Variants in PADI6 observed in about 807,000 individuals in gnomAD.
The protein encoded by PADI6 is inactive protein-arginine deiminase type-6.
Under a neutral mutation model 78.2 loss-of-function variants are expected in PADI6, and 66 were observed. The observed-to-expected ratio is 0.84, with a 90% CI of 0.69 to 1.04. The LOEUF (loss-of-function observed/expected upper bound fraction) is 1.04. PADI6 is among the 50% of genes least tolerant of loss of function. The pLI is 0.00. For missense variants in PADI6, 854 were observed against 866.1 expected (o/e 0.99, Z 0.18); for synonymous variants, 397 against 346.9 (o/e 1.14, Z -1.60).
At chr1:17,395,475 T>A (rs533486082) in intron 12 of PADI6, 65 bp from the exon 13 acceptor site, 510 of 1,527,778 alleles carry the variant, frequency 3.3e-4, no homozygotes, top group Non-Finnish European at 4.2e-4. Flanking sequence ...AGTGCTGGGA[T>A]TACAGATATG....
chr1:17,393,376 G>C (rs1268846013), intron 9 of PADI6, among the ~76,000 whole-genome samples: 1 of 152,210 alleles, frequency 6.6e-6, no homozygotes, highest in African/African-American at 2.4e-5. Flanking sequence ...GAGTAGGCAA[G>C]AATAGAAGCG....
intron 1 of PADI6, 91 bp downstream of exon 1, chr1:17,372,452 T>C (rs1570117582): frequency 8.3e-7 from 1 of 1,210,746 alleles, no homozygotes; most frequent in Non-Finnish European, 1.2e-6. Flanking sequence ...TGGGGGTTAC[T>C]TCTCTAGCCT....
At chr1:17,394,607 T>G (rs1222428335) in intron 11 of PADI6, among the ~76,000 whole-genome samples, 153 bp downstream of exon 11, 1 of 152,166 alleles carries the variant, frequency 6.6e-6, no homozygotes, top group Non-Finnish European at 1.5e-5. Flanking sequence ...CGTGGGAGAC[T>G]AAAGATGAGA....
At position 17,382,911 on chromosome 1, in the gene PADI6, C is replaced by T. The variant is rs139979375; in HGVS notation, c.679+819C>T. Among the ~76,000 whole-genome samples the T allele has an allele frequency of 2.3e-3, 347 of 152,342 alleles. 2 individuals carry two copies. Among genetic ancestry groups the T allele is most frequent in the African/African-American group, 8.0e-3 (332 of 41,588 alleles). The stretch of plus-strand genomic sequence containing the variant: ...ACTCAAGCAGTCCTCCTACCTCACA[C>T]TCCCAAGGAGCTGGTATGACAGGTG... On this transcript the variant is annotated intron_variant, in intron 6 of 15. Coordinates refer to ENST00000619609, the MANE Select transcript of PADI6 (RefSeq NM_207421.4).
At chr1:17,389,118 C>T (rs886404775) in intron 8 of PADI6, among the ~76,000 whole-genome samples, 2 of 152,186 alleles carry the variant, frequency 1.3e-5, no homozygotes, top group African/African-American at 4.8e-5. Flanking sequence ...GGCCAAACGG[C>T]ATGGTTTTAA....
At chr1:17,372,408 C>CT in intron 1 of PADI6, 47 bp downstream of exon 1, 2 of 1,552,946 alleles carry the variant, frequency 1.3e-6, no homozygotes, top group East Asian at 4.5e-5. Flanking sequence ...GACAGGCAGG[C>CT]AGGCCTGGGA....
Position 17,388,948 on chromosome 1 carries a change from A to C in PADI6, c.962+68A>C, listed in dbSNP as rs987709157. 8 of 1,277,938 alleles carry C rather than the reference A, an allele frequency of 6.3e-6. No homozygotes were observed. The East Asian group carries it at 1.7e-4, about 27-fold the overall frequency. The allele number at this position is 1,277,938 out of a possible 1,614,324, so 79.2% of individuals were successfully genotyped here. A position where few individuals can be genotyped will look rare whatever the true frequency, so the allele number is the denominator to read the frequency against. On this transcript the variant is annotated intron_variant, in intron 8 of 15. Transcript: ENST00000619609. ...CTGGCACCCTCTTCTTTCTATATGC[A>C]GGGCAGGGTGGGTGAAGATGACTAG...
At chr1:17,377,731 G>A (rs1256621669) in intron 3 of PADI6, among the ~76,000 whole-genome samples, 2 of 152,162 alleles carry the variant, frequency 1.3e-5, no homozygotes, top group African/African-American at 4.8e-5. Flanking sequence ...CACTCCCAGT[G>A]TGTTCACTCC....
At chr1:17,386,480 C>T (rs2075120860) in intron 6 of PADI6, among the ~76,000 whole-genome samples, 1 of 152,194 alleles carries the variant, frequency 6.6e-6, no homozygotes, top group Non-Finnish European at 1.5e-5. Flanking sequence ...GGAGCAGGCC[C>T]TAGGTGTGTG....
In PADI6 at chr1:17,379,924, C is replaced by G. The variant is rs779935459; in HGVS notation, c.372C>G (p.Val124=). 5.0e-6 allele frequency: 8 copies of G among 1,613,126 alleles called. No individual in the cohort carries two copies. The Admixed American group carries it at 1.2e-4, about 24-fold the overall frequency. The change falls in exon 4 of 16, where the codon GTC becomes GTG. Residue 124 remains valine, a synonymous_variant. Transcript: ENST00000619609. ...CACCCTTTTCTTCTGTTTCAGAGGT[C>G]TCTCTAGAGGTAGACATCTACCGCA... is the stretch of plus-strand genomic sequence containing the variant. ...TAVLYLTGIE[V]SLEVDIYRNG... is the part of the protein sequence containing the mutation.
rs963378805 is a variant in PADI6 at position 17,388,819 on chromosome 1, C to T, written c.901C>T (p.Arg301Trp). The T allele has an allele frequency of 3.1e-6, 5 of 1,613,764 alleles. No homozygotes were observed. The highest frequency in any genetic ancestry group is 4.2e-6 in the Non-Finnish European group (5 of 1,179,832). ...GCTGTACAAAGACACGGTGGTGTTC[C>T]GGGTGGCTCCCTGTGTCTTCATTCC... ...TVLYKDTVVF[R>W]VAPCVFIPCT... The change falls in exon 8 of 16, where the codon CGG becomes TGG. Residue 301 changes from arginine to tryptophan, a missense_variant. Physicochemically the swap from Arg to Trp is moderately radical, Grantham distance 101 (BLOSUM62 -3). Coordinates refer to ENST00000619609, the MANE Select transcript of PADI6 (RefSeq NM_207421.4).
At chr1:17,400,239 C>T (rs562653399) in intron 15 of PADI6, among the ~76,000 whole-genome samples, 4 of 150,176 alleles carry the variant, frequency 2.7e-5, no homozygotes, top group East Asian at 2.0e-4. Flanking sequence ...TGGGGCTGGG[C>T]GTGGTGTCTT....
At chr1:17,399,227 C>T (rs535628541) in intron 15 of PADI6, among the ~76,000 whole-genome samples, 40 of 152,338 alleles carry the variant, frequency 2.6e-4, no homozygotes, top group African/African-American at 8.7e-4. Context: ...CAACCTACCT[C>T]AGGGTGGGTC....
intron 6 of PADI6, among the ~76,000 whole-genome samples, chr1:17,385,551 G>T (rs556328321): frequency 6.6e-6 from 1 of 152,256 alleles, no homozygotes; most frequent in East Asian, 1.9e-4. Flanking sequence ...GTGGCATCTA[G>T]TCTGGGTTAT....
chr1:17,392,687 A>G (rs2075199748), intron 9 of PADI6, among the ~76,000 whole-genome samples: 1 of 152,228 alleles, frequency 6.6e-6, no homozygotes, highest in South Asian at 2.1e-4. Flanking sequence ...ATGCTGTCCC[A>G]TGTTAGCAAG....
At chr1:17,373,513 T>TGAG (rs1553151657) in intron 2 of PADI6, among the ~76,000 whole-genome samples, 13 of 86,664 alleles carry the variant, frequency 1.5e-4, no homozygotes, top group Admixed American at 4.9e-4. Flanking sequence ...ATTTTTTTTT[T>TGAG]TGAGTCTCAC....
At chr1:17,379,873 C>T (rs2075055789) in intron 3 of PADI6, 47 bp from the exon 4 acceptor site, 1 of 1,562,648 alleles carries the variant, frequency 6.4e-7, no homozygotes, top group Admixed American at 1.7e-5. Context: ...TTTGAGGTTC[C>T]ATCTGGCAGG....
chr1:17,393,908 C>G, intron 9 of PADI6, 67 bp from the exon 10 acceptor site: 1 of 1,451,258 alleles, frequency 6.9e-7, no homozygotes, highest in South Asian at 1.2e-5. Flanking sequence ...CTTACCGTAC[C>G]TTTTCCGTAA....
At chr1:17,389,702 G>C (rs955743914) in intron 8 of PADI6, among the ~76,000 whole-genome samples, 1 of 152,212 alleles carries the variant, frequency 6.6e-6, no homozygotes. Context: ...AGAACCAGTG[G>C]GAAGCCAAGG....
Sources: gnomAD v4.1 joint callset for allele counts (sites outside exome capture counted in the v4.1 genomes callset) on GRCh38, gnomAD v4.1.1 for gene constraint, MANE v1.5 for transcripts, NCBI Gene and HGNC (gene_info 2026-07-23, HGNC 2026-07-21) for gene names.